The following PIGN variants were observed in gnomAD, a reference collection of about 807,000 sequenced individuals.
PIGN encodes GPI ethanolamine phosphate transferase 1.
PIGN carries 117 observed loss-of-function variants against 125.4 expected under a neutral mutation model. That is an observed-to-expected ratio of 0.93 (90% CI 0.80 to 1.09). The LOEUF (loss-of-function observed/expected upper bound fraction) is 1.09. Ranked by LOEUF, PIGN falls within the 50% of genes least tolerant of loss-of-function variation. The pLI, the probability that PIGN is intolerant of heterozygous loss-of-function variation, is 0.00. For synonymous variants in PIGN, 392 were observed against 377.8 expected, an observed-to-expected ratio of 1.04 and a Z score of -0.44; for missense variants, 1,075 against 1,094.9, an observed-to-expected ratio of 0.98 and a Z score of 0.26.
At chr18:62,142,144 C>T (rs1298432399) in intron 11 of PIGN, among the ~76,000 whole-genome samples, 1 of 152,184 alleles carries the variant, frequency 6.6e-6, no homozygotes, top group East Asian at 1.9e-4. Context: ...TCTGTTCTTA[C>T]CCCTAAGGTA....
At chr18:62,116,569 CTTTATGGTCTA>C (rs1386592610) in intron 14 of PIGN, among the ~76,000 whole-genome samples, 5 of 152,166 alleles carry the variant, frequency 3.3e-5, no homozygotes, top group African/African-American at 1.2e-4. Flanking sequence ...ATTCATCATC[CTTTATGGTCTA>C]CTCCAAATCT....
intron 30 of PIGN, among the ~76,000 whole-genome samples, chr18:62,058,585 AG>A (rs2031900866): frequency 1.3e-5 from 2 of 152,244 alleles, no homozygotes; most frequent in Admixed American, 1.3e-4. Flanking sequence ...CATCTTTTAA[AG>A]AAACTGTATA....
At chr18:62,117,446 A>G (rs1382864564) in intron 14 of PIGN, among the ~76,000 whole-genome samples, 1 of 152,118 alleles carries the variant, frequency 6.6e-6, no homozygotes, top group African/African-American at 2.4e-5. Context: ...ATAAACATGG[A>G]TAAATCCTGA....
chr18:62,127,640 C>T (rs899578057), intron 14 of PIGN, among the ~76,000 whole-genome samples: 2 of 151,990 alleles, frequency 1.3e-5, no homozygotes, highest in African/African-American at 4.8e-5. Flanking sequence ...TGGTGCAAGA[C>T]CTTATCATTT....
intron 23 of PIGN, among the ~76,000 whole-genome samples, chr18:62,032,231 G>A (rs1333203888): frequency 6.6e-6 from 1 of 152,038 alleles, no homozygotes; most frequent in East Asian, 1.9e-4. Context: ...GATCTTTTGG[G>A]GCACCCATAA....
chr18:62,130,186 A>C (rs1285461729), intron 14 of PIGN, among the ~76,000 whole-genome samples: 1 of 152,130 alleles, frequency 6.6e-6, no homozygotes, highest in Non-Finnish European at 1.5e-5. Context: ...TTAATTTTGG[A>C]CTTTAGTCTC....
intron 23 of PIGN, among the ~76,000 whole-genome samples, chr18:62,027,460 G>A (rs2030137528): frequency 6.6e-6 from 1 of 152,184 alleles, no homozygotes; most frequent in South Asian, 2.1e-4. Flanking sequence ...ATCAAGATAT[G>A]TAAGATGAAC....
chr18:62,155,835 C>G (rs72943696), intron 6 of PIGN, among the ~76,000 whole-genome samples: 1 of 152,054 alleles, frequency 6.6e-6, no homozygotes, highest in African/African-American at 2.4e-5. Context: ...CCCTTACCAC[C>G]ACCAGCTCCC....
rs116507899 is a variant in PIGN at position 62,087,084 on chromosome 18, A to T, written c.2370+1672T>A. Among the ~76,000 whole-genome samples the T allele has an allele frequency of 1.5e-3, 233 of 152,324 alleles. 1 individual carries two copies. Among genetic ancestry groups the T allele is most frequent in the African/African-American group, 5.1e-3 (211 of 41,570 alleles). ...AAAGGGGTCAAGTTTGGAAAAACAC[A>T]TCTTAGAGTTGTTTGCATAGAAGTG... is the stretch of plus-strand genomic sequence containing the variant. On this transcript the variant is annotated intron_variant, in intron 25 of 30. Transcript: ENST00000640252.
Position 62,082,721 on chromosome 18 carries a change from A to G in PIGN, c.2528T>C (p.Met843Thr), listed in dbSNP as rs983436635. The G allele has an allele frequency of 7.1e-6, 11 of 1,552,472 alleles. No homozygotes were observed. Among genetic ancestry groups the G allele is most frequent in the African/African-American group, 5.4e-5 (4 of 73,564 alleles). The change falls in exon 28 of 31, where the codon ATG (methionine) becomes ACG (threonine). Residue 843 changes from methionine to threonine, a missense_variant. Physicochemically the swap from Met to Thr is moderately conservative, Grantham distance 81. Transcript: ENST00000640252. Reference protein sequence around the residue: ...WKILIPFVLVMCAFEAVQLTT... With the variant: ...WKILIPFVLVTCAFEAVQLTT... ...CAACTGAACTGCTTCAAAAGCACACATAACAAGAACAAAGGGGATTAAAAT... is the reference window on the plus strand; with the variant it reads ...CAACTGAACTGCTTCAAAAGCACACGTAACAAGAACAAAGGGGATTAAAAT...
chr18:62,185,947 G>A (rs568568254), intron 1 of PIGN, among the ~76,000 whole-genome samples: 2 of 152,030 alleles, frequency 1.3e-5, no homozygotes, highest in South Asian at 2.1e-4. Context: ...CTGCATGAAC[G>A]AGTCAGAAAT....
chr18:62,090,631 A>G (rs888070556), intron 23 of PIGN, 53 bp from the exon 24 acceptor site: 4 of 1,029,640 alleles, frequency 3.9e-6, no homozygotes, highest in Non-Finnish European at 5.9e-6. Context: ...AAAATAAGTA[A>G]AAATGCAAAT....
intron 10 of PIGN, among the ~76,000 whole-genome samples, chr18:62,145,162 G>C (rs1380355654): frequency 6.6e-6 from 1 of 151,970 alleles, no homozygotes; most frequent in African/African-American, 2.4e-5. Flanking sequence ...GAGAAAGCAG[G>C]GGCTATCTCA....
chr18:62,102,248 C>CA (rs1438614791), intron 21 of PIGN, among the ~76,000 whole-genome samples: 1 of 148,274 alleles, frequency 6.7e-6, no homozygotes, highest in African/African-American at 2.5e-5. Flanking sequence ...ATACAAAAAA[C>CA]AAAAAAACCA....
In PIGN at chr18:62,057,993, A is replaced by G. The variant is rs148981867; in HGVS notation, c.2673-12014T>C. On this transcript the variant is annotated intron_variant, in intron 30 of 30. Coordinates refer to ENST00000640252, the MANE Select transcript of PIGN (RefSeq NM_176787.5). ...TGGAGGACTCTGCAGCCATAAAAAG[A>G]GCAGGACTTCACAGCTCAAAATGGC... Among the ~76,000 whole-genome samples, 577 of 152,302 alleles carry G rather than the reference A, an allele frequency of 3.8e-3. 3 individuals carry two copies. The highest frequency in any genetic ancestry group is 6.2e-3 in the Non-Finnish European group (420 of 68,010).
chr18:62,035,665 A>C (rs1349727950), intron 23 of PIGN, among the ~76,000 whole-genome samples: 3 of 151,846 alleles, frequency 2.0e-5, no homozygotes, highest in South Asian at 2.1e-4. Flanking sequence ...TCCTAATGCT[A>C]TCCCTCCCCC....
chr18:62,108,467 G>T (rs1373448679), intron 17 of PIGN, among the ~76,000 whole-genome samples: 1 of 152,070 alleles, frequency 6.6e-6, no homozygotes, highest in Non-Finnish European at 1.5e-5. Context: ...AGTTAAATAT[G>T]CGTATGCAAC....
chr18:62,074,720 TATTAA>T, intron 29 of PIGN, 54 bp downstream of exon 29: 1 of 1,100,654 alleles, frequency 9.1e-7, no homozygotes, highest in Non-Finnish European at 1.3e-6. Flanking sequence ...TATTTCTCTT[TATTAA>T]ATTAACCCAG....
intron 23 of PIGN, among the ~76,000 whole-genome samples, chr18:62,021,957 A>C (rs2030059082): frequency 6.6e-6 from 1 of 152,214 alleles, no homozygotes; most frequent in African/African-American, 2.4e-5. Context: ...CTTGCTGGCT[A>C]TTAGCCATTA....
Sources: gnomAD v4.1 joint callset for allele counts (sites outside exome capture counted in the v4.1 genomes callset) on GRCh38, gnomAD v4.1.1 for gene constraint, MANE v1.5 for transcripts, NCBI Gene and HGNC (gene_info 2026-07-23, HGNC 2026-07-21) for gene names.